PEX7: variants seen among roughly 807,000 people sequenced by gnomAD.
PEX7 encodes PTS2 receptor.
PEX7 carries 34 observed loss-of-function variants against 47.5 expected under a neutral mutation model. The ratio of observed to expected loss-of-function variants is 0.72; its 90% CI spans 0.54 to 0.95. The LOEUF (loss-of-function observed/expected upper bound fraction) is 0.95. Ranked by LOEUF, PEX7 falls within the 40% of genes least tolerant of loss-of-function variation. The pLI, the probability that PEX7 is intolerant of heterozygous loss-of-function variation, is 0.00. For missense variants in PEX7, 394 were observed against 400.3 expected (o/e 0.98, Z 0.13); for synonymous variants, 141 against 148.8 (o/e 0.95, Z 0.38).
At chr6:136,831,662 A>C (rs963999930) in intron 3 of PEX7, among the ~76,000 whole-genome samples, 3 of 152,258 alleles carry the variant, frequency 2.0e-5, no homozygotes, top group African/African-American at 7.2e-5. Context: ...AAGATACAGT[A>C]GGGCTATAGG....
Position 136,896,977 on chromosome 6 carries a change from A to G in PEX7, c.804-1165A>G, listed in dbSNP as rs181228801. Among the ~76,000 whole-genome samples the G allele has an allele frequency of 3.8e-3, 585 of 152,370 alleles. 2 individuals carry two copies. Among genetic ancestry groups the G allele is most frequent in the Middle Eastern group, 0.02 (6 of 294 alleles). On this transcript the variant is annotated intron_variant, in intron 8 of 9. Transcript: ENST00000318471. ...CCACTATTAGGATTTCTGAGAATGC[A>G]TACAGCTTGTTCCCTCATTTGGTTG...
intron 5 of PEX7, among the ~76,000 whole-genome samples, chr6:136,849,275 A>G (rs1229507499): frequency 6.6e-6 from 1 of 151,716 alleles, no homozygotes; most frequent in Non-Finnish European, 1.5e-5. Flanking sequence ...GTGGTCTATC[A>G]ATTTTGTTGA....
chr6:136,865,101 G>A (rs536018809), intron 5 of PEX7, among the ~76,000 whole-genome samples: 89 of 152,310 alleles, frequency 5.8e-4, no homozygotes, highest in African/African-American at 2.1e-3. Context: ...GGGTGTCTGT[G>A]CAATTAAGTA....
intron 9 of PEX7, among the ~76,000 whole-genome samples, chr6:136,907,335 T>G (rs185025909): frequency 6.6e-6 from 1 of 152,212 alleles, no homozygotes; most frequent in African/African-American, 2.4e-5. Flanking sequence ...AATTCCATAA[T>G]GATTATCATA....
chr6:136,861,465 G>A (rs1205555655), intron 5 of PEX7, among the ~76,000 whole-genome samples: 1 of 152,164 alleles, frequency 6.6e-6, no homozygotes, highest in Non-Finnish European at 1.5e-5. Flanking sequence ...CAATGCTATA[G>A]CTATAGCAGA....
At chr6:136,890,975 T>G (rs1775543290) in intron 8 of PEX7, among the ~76,000 whole-genome samples, 1 of 152,246 alleles carries the variant, frequency 6.6e-6, no homozygotes, top group East Asian at 1.9e-4. Context: ...ACTTCTTTTT[T>G]AGTCAAGCAT....
chr6:136,877,400 C>A (rs910104540), intron 8 of PEX7, among the ~76,000 whole-genome samples: 12 of 152,054 alleles, frequency 7.9e-5, no homozygotes, highest in Non-Finnish European at 1.3e-4. Flanking sequence ...ATGCCTATGT[C>A]CTGAATGGTA....
chr6:136,822,842 G>GGGGGCC lies in PEX7; in HGVS notation c.130+48_130+53dup, dbSNP rs11283064. ...GGGGCCGGGGGGCGGAGGCGGAGGCGGGGGCCAGCCGGGCTCCAGTTCCTC... is the reference window on the plus strand; with the variant it reads ...GGGGCCGGGGGGCGGAGGCGGAGGCGGGGGCCGGGGCCAGCCGGGCTCCAGTTCCTC... On this transcript the variant is annotated intron_variant, in intron 1 of 9. Coordinates refer to ENST00000318471, the MANE Select transcript of PEX7 (RefSeq NM_000288.4). 692,478 of 1,230,390 alleles carry GGGGGCC rather than the reference G, an allele frequency of 0.56. 197,679 individuals are homozygous for GGGGGCC. The highest frequency in any genetic ancestry group is 0.61 in the Admixed American group (13,746 of 22,690). 76.2% of individuals were successfully genotyped at this position (1,230,390 alleles called of 1,614,324 possible).
intron 3 of PEX7, among the ~76,000 whole-genome samples, chr6:136,834,316 G>A (rs1774348868): frequency 6.6e-6 from 1 of 152,140 alleles, no homozygotes; most frequent in Non-Finnish European, 1.5e-5. Flanking sequence ...TCCTGAGCTC[G>A]AGCAATCCTC....
At chr6:136,843,524 CAGTGACCAAATAGCCTGT>C (rs1291421020) in intron 3 of PEX7, among the ~76,000 whole-genome samples, 7 of 152,138 alleles carry the variant, frequency 4.6e-5, no homozygotes, top group Non-Finnish European at 8.8e-5. Context: ...GTAGTTGTGA[CAGTGACCAAATAGCCTGT>C]AAAATCTAAA....
chr6:136,893,534 C>T (rs1775593229), intron 8 of PEX7, among the ~76,000 whole-genome samples: 1 of 152,204 alleles, frequency 6.6e-6, no homozygotes, highest in Non-Finnish European at 1.5e-5. Flanking sequence ...TCCCACTGAA[C>T]TATGAGCCGC....
intron 5 of PEX7, among the ~76,000 whole-genome samples, chr6:136,849,550 G>A (rs1465031851): frequency 6.6e-6 from 1 of 152,062 alleles, no homozygotes; most frequent in African/African-American, 2.4e-5. Context: ...CTGGTATGTT[G>A]TGTCTTTGTT....
intron 1 of PEX7, chr6:136,823,309 G>GTT (rs1562724430): frequency 2.9e-5 from 29 of 985,326 alleles, no homozygotes; most frequent in Non-Finnish European, 3.5e-5. Flanking sequence ...AGTCCCACGG[G>GTT]TGACACCATG....
intron 2 of PEX7, 69 bp from the exon 3 acceptor site, chr6:136,826,249 TA>T (rs1385747569): frequency 2.6e-6 from 4 of 1,518,072 alleles, no homozygotes; most frequent in African/African-American, 2.7e-5. Flanking sequence ...CCATAATTGT[TA>T]TTTTTTTTGT....
Position 136,900,629 on chromosome 6 carries a change from C to T in PEX7, c.903+2388C>T. 3.0e-6 allele frequency: 1 copy of T among 336,912 alleles called. No individual in the cohort carries two copies. Among genetic ancestry groups the T allele is most frequent in the South Asian group, 2.4e-5 (1 of 41,224 alleles). 20.9% of individuals were successfully genotyped at this position (336,912 alleles called of 1,614,324 possible). The stretch of plus-strand genomic sequence containing the variant: ...CTTGCCTTTCCCTTGACAGCGCAGT[C>T]AGGGACCCCCATTTTATGAGACAGG... On this transcript the variant is annotated intron_variant, in intron 9 of 9. Coordinates refer to ENST00000318471, the MANE Select transcript of PEX7 (RefSeq NM_000288.4). The surrounding 1 kb of genome is among the most constrained non-coding windows in gnomAD (Gnocchi z 4.2).
At chr6:136,899,625 C>T (rs930037980) in intron 9 of PEX7, among the ~76,000 whole-genome samples, 7 of 152,134 alleles carry the variant, frequency 4.6e-5, no homozygotes, top group African/African-American at 1.7e-4. Context: ...AGTGATCCAC[C>T]CTCCTCGGCC....
intron 5 of PEX7, among the ~76,000 whole-genome samples, chr6:136,854,277 A>G (rs576013758): frequency 1.3e-5 from 2 of 152,072 alleles, no homozygotes; most frequent in South Asian, 2.1e-4. Flanking sequence ...GCTCACTGCA[A>G]CCTCCGCCTC....
At chr6:136,898,349 G>A (rs1371579589) in intron 9 of PEX7, 108 bp downstream of exon 9, 2 of 758,436 alleles carry the variant, frequency 2.6e-6, no homozygotes, top group Non-Finnish European at 4.8e-6. Context: ...AGCTATATAA[G>A]CTGGAGCGTT....
intron 3 of PEX7, 41 bp from the exon 4 acceptor site, chr6:136,845,574 T>C: frequency 8.7e-7 from 1 of 1,144,042 alleles, no homozygotes; most frequent in Non-Finnish European, 1.3e-6. Context: ...ATGTTGAACT[T>C]GATGGTCTTT....
Sources: allele counts gnomAD v4.1 joint callset (sites outside exome capture counted in the v4.1 genomes callset), GRCh38; gene constraint gnomAD v4.1.1; non-coding constraint Gnocchi (gnomAD v3.1); transcripts MANE v1.5; gene names NCBI Gene and HGNC (gene_info 2026-07-23, HGNC 2026-07-21).